The following COL5A2 variants were observed in gnomAD, a reference collection of about 807,000 sequenced individuals.
COL5A2 encodes collagen alpha-2(V) chain.
In COL5A2, 23 loss-of-function variants were observed where a neutral mutation model predicts 208.2. The ratio of observed to expected loss-of-function variants is 0.11; its 90% CI spans 0.08 to 0.16. The LOEUF is 0.16. COL5A2 is among the 10% of genes least tolerant of loss of function. COL5A2 has a pLI of 1.00. For missense variants in COL5A2, 1,590 were observed against 1,956.4 expected, an observed-to-expected ratio of 0.81 and a Z score of 3.53; for synonymous variants, 625 against 628.5, an observed-to-expected ratio of 0.99 and a Z score of 0.08.
intron 1 of COL5A2, among the ~76,000 whole-genome samples, chr2:189,220,698 G>A (rs1319526064): frequency 6.6e-6 from 1 of 152,108 alleles, no homozygotes; most frequent in African/African-American, 2.4e-5. Context: ...GGTTATAAAT[G>A]AGAAAATAAA....
the COL5A2 span, among the ~76,000 whole-genome samples, chr2:189,416,391 A>G: frequency 1.3e-5 from 2 of 152,238 alleles, no homozygotes; most frequent in African/African-American, 4.8e-5. Context: ...ATAAAAAATG[A>G]TGAGTTCATG....
the COL5A2 span, among the ~76,000 whole-genome samples, chr2:189,236,662 T>C: frequency 6.6e-6 from 1 of 151,916 alleles, no homozygotes; most frequent in Middle Eastern, 3.4e-3. Context: ...AGATATCCCC[T>C]ATTGTGAAGT....
chr2:189,233,936 C>G, the COL5A2 span, among the ~76,000 whole-genome samples: 5 of 151,704 alleles, frequency 3.3e-5, no homozygotes, highest in Non-Finnish European at 5.9e-5. Context: ...AGTCAAGGAG[C>G]ATATGCATTT....
chr2:189,349,204 G>A, the COL5A2 span, among the ~76,000 whole-genome samples: 3 of 152,202 alleles, frequency 2.0e-5, no homozygotes, highest in African/African-American at 7.2e-5. Flanking sequence ...AAGGATAAAG[G>A]TTCAGACATG....
At chr2:189,101,699 C>T (rs780084850) in intron 3 of COL5A2, among the ~76,000 whole-genome samples, 7 of 151,964 alleles carry the variant, frequency 4.6e-5, no homozygotes, top group Admixed American at 6.6e-5. Flanking sequence ...GACTTAAGGG[C>T]GGAACTAATA....
At chr2:189,069,502 C>T (rs915542995) in intron 18 of COL5A2, among the ~76,000 whole-genome samples, 6 of 152,166 alleles carry the variant, frequency 3.9e-5, no homozygotes, top group African/African-American at 1.4e-4. Context: ...GACCAACCCA[C>T]TGTGCTTAAA....
At chr2:189,123,089 C>T (rs1200823021) in intron 1 of COL5A2, among the ~76,000 whole-genome samples, 4 of 152,100 alleles carry the variant, frequency 2.6e-5, no homozygotes, top group African/African-American at 7.2e-5. Flanking sequence ...CTCAACCTCC[C>T]GAGTAGCTGG....
the COL5A2 span, among the ~76,000 whole-genome samples, chr2:189,355,791 T>C: frequency 1.3e-5 from 2 of 152,178 alleles, no homozygotes; most frequent in African/African-American, 4.8e-5. Flanking sequence ...AGGTTAATAT[T>C]GTTATGTGTG....
intron 44 of COL5A2, 152 bp from the exon 45 acceptor site, chr2:189,048,414 C>T (rs754336123): frequency 1.1e-5 from 7 of 653,616 alleles, no homozygotes; most frequent in East Asian, 2.8e-5. Context: ...ACGGTTTCTA[C>T]CTCTTTTTCA....
At position 189,054,151 on chromosome 2, in the gene COL5A2, T is replaced by C. The variant is rs1685851863; in HGVS notation, c.2445+8A>G. On this transcript the variant is annotated splice_region_variant and intron_variant, in intron 36 of 53. Transcript: ENST00000374866. ...TTTGAGTGTACAAATTAACAACTTG[T>C]GACTTACCTTTTCTCCAGTAGGACC... 3 of 1,613,478 alleles carry C rather than the reference T, an allele frequency of 1.9e-6. No homozygotes were observed. Among genetic ancestry groups the C allele is most frequent in the Non-Finnish European group, 2.5e-6 (3 of 1,179,356 alleles).
At chr2:189,156,830 A>C (rs1294829348) in intron 1 of COL5A2, among the ~76,000 whole-genome samples, 1 of 152,182 alleles carries the variant, frequency 6.6e-6, no homozygotes, top group East Asian at 1.9e-4. Context: ...ATTAATTCAC[A>C]CTAGCGAATA....
intron 16 of COL5A2, among the ~76,000 whole-genome samples, chr2:189,078,310 T>C (rs1686455359): frequency 6.6e-6 from 1 of 152,070 alleles, no homozygotes; most frequent in African/African-American, 2.4e-5. Context: ...TATGTTAACA[T>C]TAAAGCAAAG....
chr2:189,414,754 A>C, the COL5A2 span, among the ~76,000 whole-genome samples: 1 of 16,050 alleles, frequency 6.2e-5, no homozygotes, highest in African/African-American at 2.1e-4. Flanking sequence ...ACTCTGTCTC[A>C]AAAAAAAAAA....
chr2:189,408,047 C>T, the COL5A2 span, among the ~76,000 whole-genome samples: 1 of 152,128 alleles, frequency 6.6e-6, no homozygotes, highest in African/African-American at 2.4e-5. Context: ...AGTTGACTGG[C>T]TCTGCTTACC....
At chr2:189,201,514 T>C (rs957790045) in intron 1 of COL5A2, among the ~76,000 whole-genome samples, 2 of 151,804 alleles carry the variant, frequency 1.3e-5, no homozygotes, top group Non-Finnish European at 2.9e-5. Flanking sequence ...ATTAGAATCC[T>C]AGAAGGAGGG....
At chr2:189,427,753 T>C in the COL5A2 span, among the ~76,000 whole-genome samples, 3 of 152,190 alleles carry the variant, frequency 2.0e-5, no homozygotes, top group Non-Finnish European at 4.4e-5. Context: ...TAAGATTTAA[T>C]TACTTTAAGC....
At chr2:189,050,467 T>C (rs1190250185) in intron 43 of COL5A2, 102 bp downstream of exon 43, 20 of 953,502 alleles carry the variant, frequency 2.1e-5, no homozygotes, top group Non-Finnish European at 3.1e-5. Flanking sequence ...GTCCCTACAA[T>C]ACTGTTTAAA....
the COL5A2 span, among the ~76,000 whole-genome samples, chr2:189,343,596 T>C: frequency 1.3e-5 from 2 of 152,152 alleles, no homozygotes; most frequent in African/African-American, 4.8e-5. Flanking sequence ...AATTCTTTAA[T>C]TTTTTAAAGT....
the COL5A2 span, among the ~76,000 whole-genome samples, chr2:189,352,232 T>C: frequency 6.6e-6 from 1 of 152,188 alleles, no homozygotes; most frequent in African/African-American, 2.4e-5. Context: ...TCCAAGTCTT[T>C]GCTATTGTCA....
Sources: allele counts gnomAD v4.1 joint callset (sites outside exome capture counted in the v4.1 genomes callset), GRCh38; gene constraint gnomAD v4.1.1; transcripts MANE v1.5; gene names NCBI Gene and HGNC (gene_info 2026-07-23, HGNC 2026-07-21).